The following SH3BP5L variants were observed in gnomAD, a reference collection of about 807,000 sequenced individuals.
SH3BP5L encodes the protein SH3 binding domain protein 5 like.
Under a neutral mutation model 40.9 loss-of-function variants are expected in SH3BP5L, and 16 were observed. That is an observed-to-expected ratio of 0.39 (90% CI 0.27 to 0.59). The LOEUF is 0.59. Ranked by LOEUF, SH3BP5L falls within the 20% of genes least tolerant of loss-of-function variation. The pLI is 0.53. For synonymous variants in SH3BP5L, 229 were observed against 226.7 expected, an observed-to-expected ratio of 1.01 and a Z score of -0.09; for missense variants, 471 against 544.6, an observed-to-expected ratio of 0.86 and a Z score of 1.35.
chr1:248,813,324 G>C (rs1664008044), intron 5 of SH3BP5L, 162 bp from the exon 6 acceptor site: 2 of 635,280 alleles, frequency 3.1e-6, no homozygotes, highest in East Asian at 3.3e-5. Context: ...GGGAACACGG[G>C]GTCTATGAGC....
chr1:248,813,270 T>A, intron 5 of SH3BP5L, 108 bp from the exon 6 acceptor site: 1 of 1,247,574 alleles, frequency 8.0e-7, no homozygotes, highest in Non-Finnish European at 1.1e-6. Flanking sequence ...AACAGGAACA[T>A]CCTCTGCAAA....
chr1:248,814,876 C>A, intron 4 of SH3BP5L: 2 of 581,818 alleles, frequency 3.4e-6, no homozygotes, highest in Non-Finnish European at 6.4e-6. Flanking sequence ...TAGCCTTTTC[C>A]CCTAGGGAAA....
In SH3BP5L at chr1:248,811,989, C is replaced by A. The variant is rs1572177969; in HGVS notation, c.1093G>T (p.Gly365Cys). ...CCACTCCGCGTTCCCAGCTCTTGGC[C>A]GTCCAGACTGACGTGGTCCGAGAGG... ...RGLSDHVSLD[G>C]QELGTRSGGR... is the part of the protein sequence containing the mutation. Residue 365 changes from glycine (G) to cysteine (C), a missense_variant, in exon 7 of 7, where the codon GGC (glycine) becomes TGC (cysteine). By Grantham distance (159) the Gly-to-Cys change is radical. Around this residue, in one of 2 missense-constraint regions of SH3BP5L, gnomAD observed 196 missense variants for 174.6 expected, o/e 1.12. Transcript: ENST00000366472. The A allele has an allele frequency of 6.2e-7, 1 of 1,604,312 alleles. No individual in the cohort carries two copies. Among genetic ancestry groups the A allele is most frequent in the Non-Finnish European group, 8.5e-7 (1 of 1,176,460 alleles).
chr1:248,823,689 G>A (rs1405656624), intron 2 of SH3BP5L, among the ~76,000 whole-genome samples: 1 of 152,192 alleles, frequency 6.6e-6, no homozygotes, highest in Non-Finnish European at 1.5e-5. Flanking sequence ...AGAGAGTGAA[G>A]GAAGAATGCC....
At chr1:248,816,983 G>T in intron 2 of SH3BP5L, 99 bp from the exon 3 acceptor site, 4 of 1,597,190 alleles carry the variant, frequency 2.5e-6, no homozygotes, top group Non-Finnish European at 3.4e-6. Context: ...AGCCCCACTT[G>T]CCCAGGGAAA....
chr1:248,811,863 T>C lies in SH3BP5L; in HGVS notation c.*37A>G, dbSNP rs1263126298. The C allele has an allele frequency of 2.3e-5, 32 of 1,419,328 alleles. No homozygotes were observed. Among genetic ancestry groups the C allele is most frequent in the Non-Finnish European group, 3.8e-6 (4 of 1,060,470 alleles). The allele number at this position is 1,419,328 out of a possible 1,614,324, so 87.9% of individuals were successfully genotyped here. A position where few individuals can be genotyped will look rare whatever the true frequency, so the allele number is the denominator to read the frequency against. ...AAGACTGTGGGCCCCAACCGGCCCG[T>C]GGTGGCAGATTCAAGCCAGGAACCC... On this transcript the variant is annotated 3_prime_UTR_variant, in exon 7 of 7. Coordinates refer to ENST00000366472, the MANE Select transcript of SH3BP5L (RefSeq NM_030645.3).
chr1:248,821,383 A>G lies in SH3BP5L; in HGVS notation c.183+3370T>C, dbSNP rs1664252146. ...GCAGTCAGATTCCCAGGATGCCAGGACACTGAATCAAAGGCATGGGGACTC... is the reference window on the plus strand; with the variant it reads ...GCAGTCAGATTCCCAGGATGCCAGGGCACTGAATCAAAGGCATGGGGACTC... On this transcript the variant is annotated intron_variant, in intron 2 of 6. Coordinates refer to ENST00000366472, the MANE Select transcript of SH3BP5L (RefSeq NM_030645.3). This position sits in a 1 kb window ranked among gnomAD's most constrained non-coding sequence, Gnocchi z 4.6. 6.6e-6 allele frequency: 1 copy of G among 152,386 alleles called. No individual in the cohort carries two copies. The highest frequency in any genetic ancestry group is 2.4e-5 in the African/African-American group (1 of 41,432). The allele number at this position is 152,386 out of a possible 1,614,324, so 9.4% of individuals were successfully genotyped here.
At position 248,814,502 on chromosome 1, in the gene SH3BP5L, T is replaced by G; in HGVS notation, c.484A>C (p.Lys162Gln). 6.2e-7 allele frequency: 1 copy of G among 1,614,240 alleles called. No individual in the cohort carries two copies. The highest frequency in any genetic ancestry group is 8.5e-7 in the Non-Finnish European group (1 of 1,180,052). Residue 162 changes from lysine to glutamine, a missense_variant, in exon 5 of 7, where the codon AAG becomes CAG. Physicochemically the swap from Lys to Gln is moderately conservative, Grantham distance 53 (BLOSUM62 1). Coordinates refer to ENST00000366472, the MANE Select transcript of SH3BP5L (RefSeq NM_030645.3). ...FVAEQGVMADKNRLDPTWQEM... is the reference protein window; with the variant it reads ...FVAEQGVMADQNRLDPTWQEM... ...TGCCACGTGGGGTCCAGTCGGTTCT[T>G]GTCAGCCATGACGCCCTGCTCAGCC...
intron 4 of SH3BP5L, 80 bp from the exon 5 acceptor site, chr1:248,814,690 A>G (rs746878161): frequency 4.8e-5 from 70 of 1,472,562 alleles, no homozygotes; most frequent in East Asian, 2.3e-5. Context: ...ACGTGAGGAT[A>G]AGAGAAGGAG....
intron 4 of SH3BP5L, 35 bp downstream of exon 4, chr1:248,816,499 C>T (rs375738910): frequency 2.1e-5 from 34 of 1,612,744 alleles, no homozygotes; most frequent in South Asian, 1.5e-4. Context: ...AGGCTCAGCA[C>T]GTAGCCTTCC....
At position 248,812,250 on chromosome 1, in the gene SH3BP5L, C is replaced by G. The variant is rs770363760; in HGVS notation, c.832G>C (p.Gly278Arg). The G allele has an allele frequency of 1.2e-6, 2 of 1,610,936 alleles. No homozygotes were observed. Among genetic ancestry groups the G allele is most frequent in the Admixed American group, 3.3e-5 (2 of 59,902 alleles). ...SEQIHARRRG[G>R]LPPHPLGPRR... ...GGGCCCAGGGGGTGGGGAGGCAGAC[C>G]CCCGCGGCGCCGTGCGTGAATCTGC... The change falls in exon 7 of 7, where the codon GGT (glycine) becomes CGT (arginine). Residue 278 changes from glycine (G) to arginine (R), a missense_variant. By Grantham distance (125) the Gly-to-Arg change is moderately radical. This residue lies in a region of SH3BP5L where 196 missense variants were observed against 174.6 expected (regional missense o/e 1.12). Transcript: ENST00000366472. This position sits in a 1 kb window ranked among gnomAD's most constrained non-coding sequence, Gnocchi z 6.1.
chr1:248,813,426 C>T, intron 5 of SH3BP5L: 1 of 387,206 alleles, frequency 2.6e-6, no homozygotes, highest in Non-Finnish European at 4.6e-6. Flanking sequence ...ACGTCTTCCC[C>T]ATGTTCTTGC....
Position 248,812,259 on chromosome 1 carries a change from G to A in SH3BP5L, c.823C>T (p.Arg275Cys). 2 of 1,611,706 alleles carry A rather than the reference G, an allele frequency of 1.2e-6. No homozygotes were observed. Among genetic ancestry groups the A allele is most frequent in the Non-Finnish European group, 8.5e-7 (1 of 1,179,822 alleles). ...GGGTGGGGAGGCAGACCCCCGCGGCGCCGTGCGTGAATCTGCTCGCTGATC... is the reference window on the plus strand; with the variant it reads ...GGGTGGGGAGGCAGACCCCCGCGGCACCGTGCGTGAATCTGCTCGCTGATC... ...EQISEQIHAR[R>C]RGGLPPHPLG... The change falls in exon 7 of 7, where the codon CGC becomes TGC. Residue 275 changes from arginine to cysteine, a missense_variant. By Grantham distance (180) the Arg-to-Cys change is radical. Around this residue, in one of 2 missense-constraint regions of SH3BP5L, gnomAD observed 275 missense variants for 370.1 expected, o/e 0.74. Coordinates refer to ENST00000366472, the MANE Select transcript of SH3BP5L (RefSeq NM_030645.3). The surrounding 1 kb of genome is among the most constrained non-coding windows in gnomAD (Gnocchi z 6.1).
intron 2 of SH3BP5L, among the ~76,000 whole-genome samples, chr1:248,819,812 G>T (rs907496588): frequency 2.0e-5 from 3 of 152,024 alleles, no homozygotes; most frequent in Non-Finnish European, 4.4e-5. Flanking sequence ...GCTGCATGCG[G>T]CCCACAGGCC....
Position 248,816,852 on chromosome 1 carries a change from C to T in SH3BP5L, c.216G>A (p.Glu72=), listed in dbSNP as rs1208102234. ...GCTGTAGTTCCACCTGGTTGATCTC[C>T]TCGCTGGCCTGGTTCAGGTGCTCCA... is the stretch of plus-strand genomic sequence containing the variant. The part of the protein sequence containing the change: ...EELEHLNQAS[E]EINQVELQLD... Residue 72 remains glutamate (E), a synonymous_variant, in exon 3 of 7, where the codon GAG becomes GAA. Coordinates refer to ENST00000366472, the MANE Select transcript of SH3BP5L (RefSeq NM_030645.3). 1 of 1,614,174 alleles carries T rather than the reference C, an allele frequency of 6.2e-7. No individual in the cohort carries two copies. The highest frequency in any genetic ancestry group is 1.7e-5 in the Admixed American group (1 of 60,028).
rs1354746103 is a variant in SH3BP5L at position 248,825,882 on chromosome 1, C to T, written c.-479G>A. On this transcript the variant is annotated 5_prime_UTR_variant, in exon 1 of 7. Coordinates refer to ENST00000366472, the MANE Select transcript of SH3BP5L (RefSeq NM_030645.3). ...GGAGCTTCTATGCTGCAAACAATCTCCCCCCCTCCCTCCCCGCAACAAGCC... is the reference window on the plus strand; with the variant it reads ...GGAGCTTCTATGCTGCAAACAATCTTCCCCCCTCCCTCCCCGCAACAAGCC... 4.7e-6 allele frequency: 2 copies of T among 424,006 alleles called. No homozygotes were observed. Among genetic ancestry groups the T allele is most frequent in the Non-Finnish European group, 5.5e-6 (2 of 365,736 alleles). The allele number at this position is 424,006 out of a possible 1,614,324, so 26.3% of individuals were successfully genotyped here.
intron 2 of SH3BP5L, among the ~76,000 whole-genome samples, chr1:248,822,915 C>T (rs1054493616): frequency 2.6e-5 from 4 of 152,240 alleles, no homozygotes; most frequent in African/African-American, 4.8e-5. Context: ...CCACCTGCCT[C>T]GGCCTCCCAA....
chr1:248,816,380 C>T, intron 4 of SH3BP5L, 154 bp downstream of exon 4: 1 of 836,988 alleles, frequency 1.2e-6, no homozygotes, highest in Non-Finnish European at 1.8e-6. Flanking sequence ...AAAGGAACCT[C>T]CTGAGCCCAC....
chr1:248,824,944 G>C lies in SH3BP5L; in HGVS notation c.-9C>G, dbSNP rs144971740. The stretch of plus-strand genomic sequence containing the variant: ...TGTCTGAGCTCAGCCATGCTGACAG[G>C]GGGAGGGCAGAGCCCTATGCACAAG... On this transcript the variant is annotated 5_prime_UTR_variant, in exon 2 of 7. Transcript: ENST00000366472. The C allele has an allele frequency of 6.2e-4, 999 of 1,610,558 alleles. 6 individuals carry two copies. In the African/African-American group the frequency reaches 0.012, roughly 19 times the overall value.
Sources: allele counts gnomAD v4.1 joint callset (sites outside exome capture counted in the v4.1 genomes callset), GRCh38; gene constraint gnomAD v4.1.1; regional missense constraint gnomAD v4.1.1; non-coding constraint Gnocchi (gnomAD v3.1); transcripts MANE v1.5; gene names NCBI Gene and HGNC (gene_info 2026-07-23, HGNC 2026-07-21).